The following UGT2A3 variants were observed in gnomAD, a reference collection of about 807,000 sequenced individuals.
UGT2A3 encodes UDP-glucuronosyltransferase 2A3.
A neutral mutation model predicts 44.1 loss-of-function variants in UGT2A3; 55 were observed. That is an observed-to-expected ratio of 1.25 (90% CI 1.00 to 1.56). The LOEUF is 1.56. Among genes scored for constraint, UGT2A3 ranks in the 40% most tolerant of loss-of-function variants. The pLI is 0.00. For missense variants in UGT2A3, 733 were observed against 621.6 expected, an observed-to-expected ratio of 1.18 and a Z score of -1.91; for synonymous variants, 243 against 215.1, an observed-to-expected ratio of 1.13 and a Z score of -1.13.
chr4:68,939,533 T>C (rs1047537084), intron 2 of UGT2A3, among the ~76,000 whole-genome samples: 1 of 152,136 alleles, frequency 6.6e-6, no homozygotes, highest in Non-Finnish European at 1.5e-5. Context: ...TTACATCTTA[T>C]ACAAAAATTA....
chr4:68,930,020 G>A lies in UGT2A3; in HGVS notation c.1377C>T (p.Val459=). The A allele has an allele frequency of 6.2e-7, 1 of 1,613,584 alleles. No homozygotes were observed. The highest frequency in any genetic ancestry group is 8.5e-7 in the Non-Finnish European group (1 of 1,179,654). The part of the protein sequence containing the change: ...DQPVKPLDRA[V]FWIEFVMRHK... The stretch of plus-strand genomic sequence containing the variant: ...GGCGCATGACAAACTCGATCCAGAA[G>A]ACTGCTCGATCTAGGGGCTTTACAG... The change falls in exon 6 of 6, where the codon GTC becomes GTT. Residue 459 remains valine (V), a synonymous_variant. Transcript: ENST00000251566.
At chr4:68,936,888 C>A (rs1256194212) in intron 2 of UGT2A3, among the ~76,000 whole-genome samples, 411 of 46,132 alleles carry the variant, frequency 8.9e-3, no homozygotes, top group African/African-American at 0.014. Flanking sequence ...AAATGGAAAG[C>A]AAAAAAAAAA....
At chr4:68,932,589 T>A in intron 3 of UGT2A3, 39 bp downstream of exon 3, 1 of 1,576,858 alleles carries the variant, frequency 6.3e-7, no homozygotes. Flanking sequence ...TGTTTCATTA[T>A]GTGAATAGCT....
Position 68,929,704 on chromosome 4 carries a change from G to T in UGT2A3, c.*109C>A. ...GTGGAATTCTAGGCTATATAGCTAAGATAAAATAACAGAATAGATAATATG... is the reference window on the plus strand; with the variant it reads ...GTGGAATTCTAGGCTATATAGCTAATATAAAATAACAGAATAGATAATATG... On this transcript the variant is annotated 3_prime_UTR_variant, in exon 6 of 6. Coordinates refer to ENST00000251566, the MANE Select transcript of UGT2A3 (RefSeq NM_024743.4). 9.5e-7 allele frequency: 1 copy of T among 1,055,480 alleles called. No individual in the cohort carries two copies. The allele number at this position is 1,055,480 out of a possible 1,614,324, so 65.4% of individuals were successfully genotyped here. A position where few individuals can be genotyped will look rare whatever the true frequency, so the allele number is the denominator to read the frequency against.
At chr4:68,939,801 G>A (rs1718116343) in intron 2 of UGT2A3, among the ~76,000 whole-genome samples, 1 of 151,990 alleles carries the variant, frequency 6.6e-6, no homozygotes, top group Admixed American at 6.6e-5. Flanking sequence ...CTACCCATCT[G>A]ACAAAGGGCT....
chr4:68,939,189 A>C (rs1718085914), intron 2 of UGT2A3, among the ~76,000 whole-genome samples: 1 of 152,184 alleles, frequency 6.6e-6, no homozygotes, highest in South Asian at 2.1e-4. Context: ...ACAGAATTGG[A>C]AAAAACTACT....
chr4:68,946,232 CA>C (rs1171171564), intron 1 of UGT2A3, among the ~76,000 whole-genome samples: 1 of 151,624 alleles, frequency 6.6e-6, no homozygotes, highest in Non-Finnish European at 1.5e-5. Flanking sequence ...TATCTCTTTA[CA>C]AAAACATATT....
In UGT2A3 at chr4:68,929,582, A is replaced by T; in HGVS notation, c.*231T>A. 1 of 393,636 alleles carries T rather than the reference A, an allele frequency of 2.5e-6. No individual in the cohort carries two copies. The highest frequency in any genetic ancestry group is 4.6e-6 in the Non-Finnish European group (1 of 218,334). 24.4% of individuals were successfully genotyped at this position (393,636 alleles called of 1,614,324 possible). A position where few individuals can be genotyped will look rare whatever the true frequency, so the allele number is the denominator to read the frequency against. On this transcript the variant is annotated 3_prime_UTR_variant, in exon 6 of 6. Coordinates refer to ENST00000251566, the MANE Select transcript of UGT2A3 (RefSeq NM_024743.4). ...TCATATCAGAAATAGGAAAATTTAG[A>T]TGTATTCATGTCCTTGTGTCACAAA...
intron 3 of UGT2A3, among the ~76,000 whole-genome samples, chr4:68,931,661 A>G (rs917159563): frequency 9.9e-5 from 15 of 151,962 alleles, no homozygotes; most frequent in Admixed American, 7.9e-4. Context: ...TTTGCTTTCA[A>G]TTATGTGTGT....
At chr4:68,931,736 A>G (rs1010375850) in intron 3 of UGT2A3, among the ~76,000 whole-genome samples, 5 of 149,438 alleles carry the variant, frequency 3.3e-5, no homozygotes, top group African/African-American at 1.2e-4. Flanking sequence ...CTTATATTTA[A>G]TTGTTTTATT....
Position 68,930,763 on chromosome 4 carries a change from G to C in UGT2A3, c.1087C>G (p.His363Asp), listed in dbSNP as rs779973262. 3 of 1,575,554 alleles carry C rather than the reference G, an allele frequency of 1.9e-6. No homozygotes were observed. The highest frequency in any genetic ancestry group is 2.4e-5 in the South Asian group (2 of 84,712). ...DWIPQNDLLG[H>D]PKTKAFITHG... The stretch of plus-strand genomic sequence containing the variant: ...GTGATAAAAGCTTTGGTTTTGGGAT[G>C]ACCTAGTATGTAAATTGGATGAGAA... Residue 363 changes from histidine (H) to aspartate (D), a missense_variant and splice_region_variant, in exon 5 of 6, where the codon CAT becomes GAT. Transcript: ENST00000251566.
intron 3 of UGT2A3, among the ~76,000 whole-genome samples, chr4:68,931,510 T>C (rs2109776598): frequency 6.6e-6 from 1 of 152,112 alleles, no homozygotes; most frequent in African/African-American, 2.4e-5. Flanking sequence ...CCAGTGAATA[T>C]TTAAAAAAAT....
Position 68,932,743 on chromosome 4 carries a change from A to G in UGT2A3, c.881T>C (p.Val294Ala), listed in dbSNP as rs550535657. The change falls in exon 3 of 6, where the codon GTC (valine) becomes GCC (alanine). Residue 294 changes from valine (V) to alanine (A), a missense_variant. Transcript: ENST00000251566. Reference sequence around the variant, plus strand: ...AATACCATCTTCCCCTGAACTCTGGACAAAATTTTCCATTTCCTGAAGATA... The same window carrying G: ...AATACCATCTTCCCCTGAACTCTGGGCAAAATTTTCCATTTCCTGAAGATA... ...KALPKEMENF[V>A]QSSGEDGIVV... 2.5e-6 allele frequency: 4 copies of G among 1,608,178 alleles called. No homozygotes were observed. The highest frequency in any genetic ancestry group is 1.7e-4 in the Middle Eastern group (1 of 5,990).
chr4:68,929,093 T>A lies in UGT2A3; in HGVS notation c.*720A>T, dbSNP rs1717622534. 6.6e-6 allele frequency: 1 copy of A among 152,086 alleles called. No individual in the cohort carries two copies. The highest frequency in any genetic ancestry group is 2.1e-4 in the South Asian group (1 of 4,830). 9.4% of individuals were successfully genotyped at this position (152,086 alleles called of 1,614,324 possible). ...AATCCCAAAAATAATCTGTTCACCT[T>A]GAATATCTTACTGACATGTTCTCTA... On this transcript the variant is annotated 3_prime_UTR_variant, in exon 6 of 6. Transcript: ENST00000251566.
intron 3 of UGT2A3, among the ~76,000 whole-genome samples, chr4:68,931,780 C>T (rs530818250): frequency 4.3e-4 from 65 of 151,940 alleles, no homozygotes; most frequent in South Asian, 2.3e-3. Flanking sequence ...ACTTATGTTC[C>T]ACTGTTCAAT....
chr4:68,930,994 G>A (rs749182608), intron 4 of UGT2A3, among the ~76,000 whole-genome samples, 161 bp downstream of exon 4: 4 of 152,042 alleles, frequency 2.6e-5, no homozygotes, highest in Non-Finnish European at 5.9e-5. Context: ...TAGAAAGTGT[G>A]AATCTATACA....
At chr4:68,947,009 C>T (rs1718407283) in intron 1 of UGT2A3, among the ~76,000 whole-genome samples, 2 of 151,592 alleles carry the variant, frequency 1.3e-5, no homozygotes, top group Admixed American at 1.3e-4. Flanking sequence ...GGTGTAGGGT[C>T]TTGCCTCAGT....
intron 2 of UGT2A3, among the ~76,000 whole-genome samples, chr4:68,940,425 A>T (rs1442971260): frequency 6.6e-6 from 1 of 152,062 alleles, no homozygotes; most frequent in Non-Finnish European, 1.5e-5. Flanking sequence ...GAAAACAGTC[A>T]TTCTCAGCAA....
At chr4:68,931,790 T>C (rs961530448) in intron 3 of UGT2A3, among the ~76,000 whole-genome samples, 5 of 152,072 alleles carry the variant, frequency 3.3e-5, no homozygotes, top group East Asian at 3.9e-4. Flanking sequence ...CACTGTTCAA[T>C]GATAAATTTT....
Sources: gnomAD v4.1 joint callset for allele counts (sites outside exome capture counted in the v4.1 genomes callset) on GRCh38, gnomAD v4.1.1 for gene constraint, MANE v1.5 for transcripts, NCBI Gene and HGNC (gene_info 2026-07-23, HGNC 2026-07-21) for gene names.